Variants in FOXK2 observed in about 807,000 individuals in gnomAD.
FOXK2 encodes forkhead box protein K2.
Under a neutral mutation model 53.3 loss-of-function variants are expected in FOXK2, and 24 were observed. The ratio of observed to expected loss-of-function variants is 0.45; its 90% CI spans 0.33 to 0.63. The LOEUF is 0.63. Among genes scored for constraint, FOXK2 ranks in the 30% least tolerant of loss-of-function variants. FOXK2 has a pLI of 0.03. For synonymous variants in FOXK2, 505 were observed against 407.1 expected, an observed-to-expected ratio of 1.24 and a Z score of -2.89; for missense variants, 952 against 910.5, an observed-to-expected ratio of 1.05 and a Z score of -0.59.
chr17:82,590,489 G>GT lies in FOXK2; in HGVS notation c.1786+3218dup, dbSNP rs2045242431. On this transcript the variant is annotated intron_variant, in intron 8 of 8. Transcript: ENST00000335255. Reference sequence around the variant, plus strand: ...TTTCATGTACTTTATGGTTATTTGTGTATCTTCTTTGAAGAAATTTTTTTT... The same window carrying GT: ...TTTCATGTACTTTATGGTTATTTGTGTTATCTTCTTTGAAGAAATTTTTTTT... Among the ~76,000 whole-genome samples, 3 of 152,196 alleles carry GT rather than the reference G, an allele frequency of 2.0e-5. No individual in the cohort carries two copies. The South Asian group carries it at 6.2e-4, about 32-fold the overall frequency.
chr17:82,529,775 A>T (rs1425182220), intron 1 of FOXK2, among the ~76,000 whole-genome samples: 1 of 151,990 alleles, frequency 6.6e-6, no homozygotes, highest in Non-Finnish European at 1.5e-5. Flanking sequence ...TTGAAAGGAC[A>T]CTCTCGGAAT....
intron 6 of FOXK2, among the ~76,000 whole-genome samples, chr17:82,584,549 C>CT (rs34083156): frequency 0.13 from 11,267 of 89,092 alleles, 1,351 homozygotes; most frequent in East Asian, 0.22. Context: ...AAAACATGTC[C>CT]TTTTTTTTTT....
At chr17:82,559,174 G>A (rs138382010) in intron 1 of FOXK2, among the ~76,000 whole-genome samples, 54 of 152,306 alleles carry the variant, frequency 3.5e-4, no homozygotes, top group African/African-American at 1.2e-3. Flanking sequence ...GATGACAGGC[G>A]TGAGCTACTG....
At chr17:82,538,201 C>T (rs1347190175) in intron 1 of FOXK2, among the ~76,000 whole-genome samples, 1 of 151,676 alleles carries the variant, frequency 6.6e-6, no homozygotes, top group African/African-American at 2.4e-5. Context: ...CCAGCCTGGG[C>T]GACTGAGCAA....
At chr17:82,561,464 C>T (rs542173075) in intron 1 of FOXK2, among the ~76,000 whole-genome samples, 3 of 152,124 alleles carry the variant, frequency 2.0e-5, no homozygotes, top group East Asian at 1.9e-4. Context: ...CCTTGAACAT[C>T]GGGCGGTAAA....
At chr17:82,547,910 CA>C (rs2044642511) in intron 1 of FOXK2, among the ~76,000 whole-genome samples, 1 of 152,202 alleles carries the variant, frequency 6.6e-6, no homozygotes, top group South Asian at 2.1e-4. Flanking sequence ...CTCTTATTCA[CA>C]TGGTATATTT....
At chr17:82,569,992 G>A (rs573550979) in intron 3 of FOXK2, among the ~76,000 whole-genome samples, 2 of 152,284 alleles carry the variant, frequency 1.3e-5, no homozygotes, top group Non-Finnish European at 2.9e-5. Context: ...GGAGGCCAAG[G>A]TGGGCGGATC....
intron 1 of FOXK2, among the ~76,000 whole-genome samples, chr17:82,544,973 A>G (rs527730815): frequency 2.3e-4 from 35 of 152,102 alleles, no homozygotes; most frequent in African/African-American, 7.5e-4. Context: ...AATAATTAAA[A>G]AAAAAAAAGA....
intron 1 of FOXK2, among the ~76,000 whole-genome samples, chr17:82,553,066 G>T (rs963809379): frequency 3.3e-5 from 5 of 152,170 alleles, no homozygotes; most frequent in African/African-American, 9.7e-5. Context: ...CTCCGGAGTA[G>T]CTGGGATTAC....
chr17:82,584,844 G>C (rs199625051), intron 6 of FOXK2, among the ~76,000 whole-genome samples: 2 of 152,146 alleles, frequency 1.3e-5, no homozygotes, highest in South Asian at 2.1e-4. Context: ...GAGCCACCAC[G>C]CCCAGCCTAA....
At chr17:82,587,583 CGT>C (rs1270097828) in intron 8 of FOXK2, 8 of 415,420 alleles carry the variant, frequency 1.9e-5, no homozygotes, top group Admixed American at 3.6e-5. Flanking sequence ...GGAGCCGCCG[CGT>C]GTCTTTTCCC....
intron 4 of FOXK2, among the ~76,000 whole-genome samples, chr17:82,581,676 C>T (rs192329513): frequency 3.3e-4 from 50 of 152,202 alleles, no homozygotes; most frequent in African/African-American, 1.1e-3. Flanking sequence ...AGGGTTTCAC[C>T]GTGTTTGCCA....
chr17:82,571,473 C>T (rs887480014), intron 3 of FOXK2, among the ~76,000 whole-genome samples: 12 of 152,094 alleles, frequency 7.9e-5, no homozygotes, highest in Admixed American at 2.0e-4. Context: ...CGGTGGCAGG[C>T]GCCTGTGATC....
intron 4 of FOXK2, among the ~76,000 whole-genome samples, chr17:82,575,307 AGCAAACAC>A (rs138105595): frequency 0.04 from 6,080 of 152,318 alleles, 126 homozygotes; most frequent in Non-Finnish European, 0.044. Context: ...AGTGATCTTC[AGCAAACAC>A]GCAAACACAC....
chr17:82,567,288 C>T lies in FOXK2; in HGVS notation c.615-766C>T, dbSNP rs913837332. 4.6e-5 allele frequency among the ~76,000 whole-genome samples: 7 copies of T among 152,320 alleles called. No individual in the cohort carries two copies. In the East Asian group the frequency reaches 9.6e-4, roughly 21 times the overall value. On this transcript the variant is annotated intron_variant, in intron 2 of 8. Transcript: ENST00000335255. ...TTGATATTGTTCCATTTCAATGGCT[C>T]GTTCTTTTTATTGAAGTGCAGAAAA...
At chr17:82,549,177 G>T (rs1361700087) in intron 1 of FOXK2, among the ~76,000 whole-genome samples, 1 of 152,182 alleles carries the variant, frequency 6.6e-6, no homozygotes, top group African/African-American at 2.4e-5. Flanking sequence ...TGTGGCCCTT[G>T]CCTGTAGCTC....
chr17:82,583,774 G>A (rs762113592), intron 5 of FOXK2, among the ~76,000 whole-genome samples: 7 of 152,228 alleles, frequency 4.6e-5, no homozygotes, highest in South Asian at 2.1e-4. Context: ...CCCCACAGCC[G>A]TGCCGCGTAT....
At chr17:82,586,663 G>A (rs1325325184) in intron 7 of FOXK2, among the ~76,000 whole-genome samples, 1 of 151,984 alleles carries the variant, frequency 6.6e-6, no homozygotes, top group Non-Finnish European at 1.5e-5. Context: ...GCACTATGGG[G>A]GGCTGAGACG....
intron 1 of FOXK2, among the ~76,000 whole-genome samples, chr17:82,527,449 C>T (rs1010935468): frequency 2.6e-5 from 4 of 151,808 alleles, no homozygotes; most frequent in East Asian, 3.9e-4. Context: ...GCCAACATGG[C>T]GAAACTCCGA....
Sources: allele counts gnomAD v4.1 joint callset (sites outside exome capture counted in the v4.1 genomes callset), GRCh38; gene constraint gnomAD v4.1.1; transcripts MANE v1.5; gene names NCBI Gene and HGNC (gene_info 2026-07-23, HGNC 2026-07-21).